The following MYT1L variants were observed in gnomAD, a reference collection of about 807,000 sequenced individuals.
The protein encoded by MYT1L is myelin transcription factor 1-like protein.
A neutral mutation model predicts 126.7 loss-of-function variants in MYT1L; 12 were observed. The observed-to-expected ratio is 0.09, with a 90% CI of 0.06 to 0.15. The LOEUF is 0.15. Ranked by LOEUF, MYT1L falls within the 10% of genes least tolerant of loss-of-function variation. MYT1L has a pLI of 1.00. For synonymous variants in MYT1L, 541 were observed against 604.2 expected (o/e 0.90, Z 1.53); for missense variants, 979 against 1,585.2 (o/e 0.62, Z 6.49).
intron 8 of MYT1L, among the ~76,000 whole-genome samples, chr2:1,954,974 AAAAG>A (rs542972122): frequency 2.4e-4 from 36 of 151,832 alleles, no homozygotes; most frequent in Middle Eastern, 3.4e-3. Flanking sequence ...AGAAAGAAAG[AAAAG>A]AAAGAAAGAA....
chr2:2,116,517 C>A (rs1041655614), intron 3 of MYT1L, among the ~76,000 whole-genome samples: 1 of 152,230 alleles, frequency 6.6e-6, no homozygotes, highest in Admixed American at 6.5e-5. Flanking sequence ...CATCATGGAA[C>A]TTGTCTCCAG....
chr2:2,329,129 C>G (rs1346008413), intron 1 of MYT1L, among the ~76,000 whole-genome samples: 2 of 152,168 alleles, frequency 1.3e-5, no homozygotes, highest in East Asian at 3.8e-4. Context: ...AAAATCACAG[C>G]AAAACTGAAT....
chr2:2,042,063 A>G (rs2067616067), intron 4 of MYT1L, among the ~76,000 whole-genome samples: 1 of 152,124 alleles, frequency 6.6e-6, no homozygotes, highest in African/African-American at 2.4e-5. Flanking sequence ...AGTCTGTTTA[A>G]AGCCAGAGAC....
chr2:1,978,241 G>A (rs756317407), intron 8 of MYT1L, among the ~76,000 whole-genome samples: 5 of 152,200 alleles, frequency 3.3e-5, no homozygotes, highest in Non-Finnish European at 7.3e-5. Flanking sequence ...CCAGATGTGC[G>A]GCAGATGCAC....
intron 2 of MYT1L, among the ~76,000 whole-genome samples, chr2:2,184,606 C>T (rs1201121867): frequency 6.6e-6 from 1 of 152,190 alleles, no homozygotes; most frequent in Non-Finnish European, 1.5e-5. Flanking sequence ...CCAACCTCCT[C>T]TGTCCAAACA....
chr2:2,216,491 G>GT (rs1197485193), intron 2 of MYT1L, among the ~76,000 whole-genome samples: 1 of 152,148 alleles, frequency 6.6e-6, no homozygotes, highest in Non-Finnish European at 1.5e-5. Flanking sequence ...GTTCCACCAG[G>GT]TATCAATTTG....
chr2:1,955,128 C>CA (rs776940299), intron 8 of MYT1L, among the ~76,000 whole-genome samples: 2 of 135,604 alleles, frequency 1.5e-5, no homozygotes, highest in South Asian at 2.3e-4. Context: ...GGGCAACAGA[C>CA]AGAGAGTCCA....
intron 2 of MYT1L, among the ~76,000 whole-genome samples, chr2:2,257,459 C>G (rs529151391): frequency 2.6e-5 from 4 of 152,128 alleles, no homozygotes; most frequent in African/African-American, 9.6e-5. Context: ...GGTTGGATCA[C>G]GAGGTCAAGG....
chr2:2,279,981 AG>A (rs1362712594), intron 2 of MYT1L, among the ~76,000 whole-genome samples: 4 of 152,244 alleles, frequency 2.6e-5, no homozygotes, highest in African/African-American at 9.6e-5. Context: ...GCTTTGATGT[AG>A]AAAAATTATG....
intron 18 of MYT1L, among the ~76,000 whole-genome samples, chr2:1,861,508 T>A (rs908245338): frequency 1.3e-5 from 2 of 152,136 alleles, no homozygotes; most frequent in African/African-American, 4.8e-5. Flanking sequence ...TGAATCTTTT[T>A]TTTTTTTTGT....
chr2:2,012,491 T>C (rs1198490158), intron 4 of MYT1L, among the ~76,000 whole-genome samples: 3 of 152,142 alleles, frequency 2.0e-5, no homozygotes, highest in Non-Finnish European at 4.4e-5. Context: ...GGGGTTTCTT[T>C]CTGAGGTGAT....
chr2:1,842,959 A>C (rs1233438008), intron 19 of MYT1L: 1 of 165,964 alleles, frequency 6.0e-6, no homozygotes, highest in Non-Finnish European at 1.3e-5. Context: ...TTCCGCTTCC[A>C]GGCGCGCGGT....
intron 4 of MYT1L, among the ~76,000 whole-genome samples, chr2:2,004,765 T>TTCGTTCTTTCCTGC (rs2062986977): frequency 1.3e-5 from 1 of 78,430 alleles, no homozygotes. Flanking sequence ...CTTTCCTGAA[T>TTCGTTCTTTCCTGC]ACGTTCTTTC....
At chr2:2,311,816 AC>A (rs1340596674) in intron 1 of MYT1L, among the ~76,000 whole-genome samples, 2 of 152,176 alleles carry the variant, frequency 1.3e-5, no homozygotes, top group African/African-American at 4.8e-5. Context: ...TGAAACAGTC[AC>A]TTCAGCTGTC....
At chr2:1,813,910 C>G (rs1356925328) in intron 21 of MYT1L, among the ~76,000 whole-genome samples, 2 of 124,526 alleles carry the variant, frequency 1.6e-5, no homozygotes, top group Non-Finnish European at 3.4e-5. Flanking sequence ...GCCTGTAGTC[C>G]CAGCTACTCG....
intron 2 of MYT1L, among the ~76,000 whole-genome samples, chr2:2,268,793 C>T (rs1278331701): frequency 6.6e-6 from 1 of 152,036 alleles, no homozygotes; most frequent in East Asian, 1.9e-4. Flanking sequence ...ATCCCTGCCT[C>T]GAAATCAAGA....
intron 3 of MYT1L, among the ~76,000 whole-genome samples, chr2:2,067,096 C>T (rs1014616626): frequency 5.9e-5 from 9 of 151,818 alleles, no homozygotes; most frequent in Admixed American, 2.0e-4. Context: ...TAGGTGTACA[C>T]GAAGAAGTAA....
At chr2:1,836,098 G>A (rs1238502554) in intron 21 of MYT1L, among the ~76,000 whole-genome samples, 1 of 152,122 alleles carries the variant, frequency 6.6e-6, no homozygotes, top group East Asian at 1.9e-4. Flanking sequence ...TGGGAGGGAA[G>A]TGAGAGGCAT....
chr2:2,177,632 G>C (rs1427590825), intron 2 of MYT1L, among the ~76,000 whole-genome samples: 6 of 152,208 alleles, frequency 3.9e-5, no homozygotes, highest in Non-Finnish European at 7.3e-5. Flanking sequence ...TCATGGCAGA[G>C]GTGAAGCAGG....
Sources: gnomAD v4.1 joint callset for allele counts (sites outside exome capture counted in the v4.1 genomes callset) on GRCh38, gnomAD v4.1.1 for gene constraint, MANE v1.5 for transcripts, NCBI Gene and HGNC (gene_info 2026-07-23, HGNC 2026-07-21) for gene names.